DENND1A: variants seen among roughly 807,000 people sequenced by gnomAD.
The protein encoded by DENND1A is DENN domain-containing protein 1A.
DENND1A carries 51 observed loss-of-function variants against 113.7 expected under a neutral mutation model. The ratio of observed to expected loss-of-function variants is 0.45; its 90% CI spans 0.36 to 0.57. The LOEUF is 0.57. Among genes scored for constraint, DENND1A ranks in the 20% least tolerant of loss-of-function variants. DENND1A has a pLI of 0.00. For missense variants in DENND1A, 1,258 were observed against 1,395.9 expected (o/e 0.90, Z 1.57); for synonymous variants, 565 against 570.8 (o/e 0.99, Z 0.14).
chr9:123,868,777 A>G (rs1052347844), intron 2 of DENND1A, among the ~76,000 whole-genome samples: 1 of 152,228 alleles, frequency 6.6e-6, no homozygotes, highest in African/African-American at 2.4e-5. Context: ...CACTTTAGGA[A>G]AAAGAAGAAA....
chr9:123,882,093 A>T, intron 1 of DENND1A, among the ~76,000 whole-genome samples: 1 of 151,946 alleles, frequency 6.6e-6, no homozygotes. Context: ...TGCTTAGATG[A>T]TCTCATTCAG....
chr9:123,819,865 T>C (rs1838181465), intron 2 of DENND1A, among the ~76,000 whole-genome samples: 1 of 152,230 alleles, frequency 6.6e-6, no homozygotes, highest in African/African-American at 2.4e-5. Context: ...AATTTTTCTC[T>C]TTTACTTTTC....
intron 1 of DENND1A, among the ~76,000 whole-genome samples, chr9:123,886,541 T>C (rs1267204033): frequency 6.6e-6 from 1 of 152,202 alleles, no homozygotes; most frequent in Admixed American, 6.5e-5. Flanking sequence ...TTGAACTCTC[T>C]TAAACTTGAC....
In DENND1A at chr9:123,382,248, C is replaced by T. The variant is rs749391481; in HGVS notation, c.2397G>A (p.Leu799=). The T allele has an allele frequency of 1.9e-6, 3 of 1,610,076 alleles. No individual in the cohort carries two copies. Among genetic ancestry groups the T allele is most frequent in the South Asian group, 2.2e-5 (2 of 90,934 alleles). Residue 799 remains leucine (L), a synonymous_variant, in exon 24 of 24, where the codon CTG becomes CTA. Transcript: ENST00000394215. ...CAGCTCGCCTGTCCCGATCCGTCTG[C>T]AGCCGCTCTGAGACGTCACCAAGTG... The part of the protein sequence containing the change: ...GAALGDVSER[L]QTDRDRRAAL...
intron 13 of DENND1A, among the ~76,000 whole-genome samples, chr9:123,489,056 T>G (rs544181372): frequency 6.6e-6 from 1 of 151,852 alleles, no homozygotes; most frequent in Non-Finnish European, 1.5e-5. Context: ...GAGAATATCT[T>G]CCTCTTCCCT....
At chr9:123,401,720 A>T in intron 21 of DENND1A, 1 of 1,596,154 alleles carries the variant, frequency 6.3e-7, no homozygotes. Flanking sequence ...TCAGGTGATA[A>T]GCAGGAAAAT....
chr9:123,649,174 C>T lies in DENND1A; in HGVS notation c.618+2839G>A, dbSNP rs7859746. ...TGAATATAATTGTATACAATCTATA[C>T]ATCATTTTGAAATGAAATAACATCT... On this transcript the variant is annotated intron_variant, in intron 9 of 23. Coordinates refer to ENST00000394215, the MANE Select transcript of DENND1A (RefSeq NM_001352964.2). Among the ~76,000 whole-genome samples, 648 of 152,280 alleles carry T rather than the reference C, an allele frequency of 4.3e-3. 5 individuals are homozygous for T. The highest frequency in any genetic ancestry group is 0.015 in the African/African-American group (625 of 41,562).
At position 123,381,044 on chromosome 9, in the gene DENND1A, G is replaced by C. The variant is rs1177737052; in HGVS notation, c.*388C>G. On this transcript the variant is annotated 3_prime_UTR_variant, in exon 24 of 24. Coordinates refer to ENST00000394215, the MANE Select transcript of DENND1A (RefSeq NM_001352964.2). The surrounding 1 kb of genome is among the most constrained non-coding windows in gnomAD (Gnocchi z 4.7). The stretch of plus-strand genomic sequence containing the variant: ...GCGTGCAGGGCCTGGCTGTGGAGGA[G>C]ACAGGAGAGCTGGGCTCGGAGGGGA... The C allele has an allele frequency of 4.4e-6, 1 of 228,076 alleles. No homozygotes were observed. Among genetic ancestry groups the C allele is most frequent in the Non-Finnish European group, 8.7e-6 (1 of 115,574 alleles). 14.1% of individuals were successfully genotyped at this position (228,076 alleles called of 1,614,324 possible). A position where few individuals can be genotyped will look rare whatever the true frequency, so the allele number is the denominator to read the frequency against.
chr9:123,851,633 C>A (rs1843376825), intron 2 of DENND1A, among the ~76,000 whole-genome samples: 1 of 152,144 alleles, frequency 6.6e-6, no homozygotes, highest in Admixed American at 6.5e-5. Context: ...CCTCAGTGGT[C>A]TCACTAGAAA....
At chr9:123,385,616 G>A (rs1200448234) in intron 22 of DENND1A, among the ~76,000 whole-genome samples, 1 of 152,182 alleles carries the variant, frequency 6.6e-6, no homozygotes, top group Non-Finnish European at 1.5e-5. Flanking sequence ...GGACATGGGA[G>A]GGCTCATCAA....
intron 2 of DENND1A, among the ~76,000 whole-genome samples, chr9:123,855,930 G>A (rs1393892692): frequency 6.6e-6 from 1 of 152,010 alleles, no homozygotes; most frequent in Non-Finnish European, 1.5e-5. Context: ...CCAGCTACTC[G>A]GGAGGCTGAG....
At chr9:123,419,632 G>A (rs77717788) in intron 19 of DENND1A, among the ~76,000 whole-genome samples, 2,412 of 152,334 alleles carry the variant, frequency 0.016, 66 homozygotes, top group African/African-American at 0.043. Context: ...GGGCCTCTGC[G>A]CCGAGAGCAA....
At chr9:123,677,703 G>A (rs537701554) in intron 5 of DENND1A, among the ~76,000 whole-genome samples, 1 of 152,266 alleles carries the variant, frequency 6.6e-6, no homozygotes, top group African/African-American at 2.4e-5. Flanking sequence ...CAAACTGCTG[G>A]GATTATAGGC....
In DENND1A at chr9:123,551,449, G is replaced by A. The variant is rs570360250; in HGVS notation, c.993+6121C>T. The stretch of plus-strand genomic sequence containing the variant: ...GCAGAGAGTTACTAACACGGAACAT[G>A]TGGAAACTAGAACAAAGACAGGCGG... On this transcript the variant is annotated intron_variant, in intron 13 of 23. Coordinates refer to ENST00000394215, the MANE Select transcript of DENND1A (RefSeq NM_001352964.2). Among the ~76,000 whole-genome samples, 21 of 152,252 alleles carry A rather than the reference G, an allele frequency of 1.4e-4. 1 individual carries two copies. Among genetic ancestry groups the A allele is most frequent in the Non-Finnish European group, 2.9e-4 (20 of 68,042 alleles).
chr9:123,442,390 C>A (rs947105395), intron 18 of DENND1A, among the ~76,000 whole-genome samples: 2 of 152,084 alleles, frequency 1.3e-5, no homozygotes, highest in Non-Finnish European at 2.9e-5. Context: ...TGGAAAGGGG[C>A]TGTCCAAAGG....
rs2064186792 is a variant in DENND1A at position 123,677,864 on chromosome 9, C to T, written c.303-1075G>A. On this transcript the variant is annotated intron_variant, in intron 5 of 23. Transcript: ENST00000394215. Reference sequence around the variant, plus strand: ...CTTCTGGGGCTCTTCACTGCCAGGCCCTTGCCCACTTTTCTGGTTGTCCTC... The same window carrying T: ...CTTCTGGGGCTCTTCACTGCCAGGCTCTTGCCCACTTTTCTGGTTGTCCTC... 2.0e-5 allele frequency among the ~76,000 whole-genome samples: 3 copies of T among 152,176 alleles called. No individual in the cohort carries two copies. The South Asian group carries it at 6.2e-4, about 31-fold the overall frequency.
At chr9:123,714,081 T>C (rs926880150) in intron 5 of DENND1A, among the ~76,000 whole-genome samples, 3 of 152,304 alleles carry the variant, frequency 2.0e-5, no homozygotes, top group East Asian at 1.9e-4. Context: ...TTAGAATTGA[T>C]TGAGTAAAGG....
At chr9:123,783,499 A>G (rs950199501) in intron 3 of DENND1A, among the ~76,000 whole-genome samples, 1 of 152,222 alleles carries the variant, frequency 6.6e-6, no homozygotes, top group Non-Finnish European at 1.5e-5. Context: ...GAGACACGAC[A>G]TAATTATTGG....
chr9:123,384,092 G>T (rs549968081), intron 22 of DENND1A, among the ~76,000 whole-genome samples, 179 bp from the exon 23 acceptor site: 1 of 152,242 alleles, frequency 6.6e-6, no homozygotes, highest in African/African-American at 2.4e-5. Context: ...TGCAAGCTGG[G>T]CATGCCGATG....
Sources: allele counts gnomAD v4.1 joint callset (sites outside exome capture counted in the v4.1 genomes callset), GRCh38; gene constraint gnomAD v4.1.1; non-coding constraint Gnocchi (gnomAD v3.1); transcripts MANE v1.5; gene names NCBI Gene and HGNC (gene_info 2026-07-23, HGNC 2026-07-21).